The following DLG2 variants were observed in gnomAD, a reference collection of about 807,000 sequenced individuals.
DLG2 encodes disks large homolog 2.
In DLG2, 45 loss-of-function variants were observed where a neutral mutation model predicts 132.5. That is an observed-to-expected ratio of 0.34 (90% CI 0.27 to 0.44). The LOEUF is 0.44. Ranked by LOEUF, DLG2 falls within the 20% of genes least tolerant of loss-of-function variation. The pLI is 1.00. For missense variants in DLG2, 1,045 were observed against 1,196.9 expected (o/e 0.87, Z 1.87); for synonymous variants, 424 against 419.6 (o/e 1.01, Z -0.13).
chr11:83,943,448 A>G (rs2083109206), intron 14 of DLG2, among the ~76,000 whole-genome samples: 1 of 152,318 alleles, frequency 6.6e-6, no homozygotes, highest in South Asian at 2.1e-4. Flanking sequence ...TTTTATTTCT[A>G]TGTAGTGCCT....
At chr11:83,475,915 G>A (rs1161661244) in intron 22 of DLG2, among the ~76,000 whole-genome samples, 1 of 152,088 alleles carries the variant, frequency 6.6e-6, no homozygotes, top group Non-Finnish European at 1.5e-5. Flanking sequence ...CTGAAAGTGG[G>A]AGAGCAGCAC....
chr11:84,732,795 C>T (rs1301309456), intron 6 of DLG2, among the ~76,000 whole-genome samples: 1 of 149,152 alleles, frequency 6.7e-6, no homozygotes, highest in Non-Finnish European at 1.5e-5. Context: ...CCTCCCCCCA[C>T]CCACCCCACA....
In DLG2 at chr11:84,114,775, C is replaced by T. The variant is rs560057974; in HGVS notation, c.625-15728G>A. 4.4e-4 allele frequency among the ~76,000 whole-genome samples: 66 copies of T among 151,300 alleles called. 1 individual carries two copies. The South Asian group carries it at 5.0e-3, about 11-fold the overall frequency. ...TCTCTGCTCACTACAACTTCTTTCA[C>T]GTCAGCTTCCCAAGTAGCTGGGAAT... On this transcript the variant is annotated intron_variant, in intron 9 of 27. Coordinates refer to ENST00000376104, the MANE Select transcript of DLG2 (RefSeq NM_001142699.3).
At chr11:84,457,148 G>T (rs1490230648) in intron 7 of DLG2, among the ~76,000 whole-genome samples, 1 of 151,066 alleles carries the variant, frequency 6.6e-6, no homozygotes, top group African/African-American at 2.4e-5. Context: ...TTCTAATCTT[G>T]TTGAGAACAG....
intron 3 of DLG2, among the ~76,000 whole-genome samples, chr11:85,373,937 G>A (rs192153795): frequency 3.9e-5 from 6 of 152,248 alleles, no homozygotes; most frequent in African/African-American, 9.6e-5. Context: ...GATCAGTGGA[G>A]GATATTATGA....
chr11:85,013,024 T>C (rs1038737138), intron 6 of DLG2, among the ~76,000 whole-genome samples: 77 of 152,304 alleles, frequency 5.1e-4, no homozygotes, highest in African/African-American at 1.4e-3. Context: ...TCATTTTCAG[T>C]GTGGAAAAAT....
At chr11:85,482,779 C>A (rs1381514392) in intron 3 of DLG2, among the ~76,000 whole-genome samples, 1 of 152,072 alleles carries the variant, frequency 6.6e-6, no homozygotes, top group East Asian at 1.9e-4. Flanking sequence ...TCCCAGTGGC[C>A]CAGACTCTAG....
chr11:85,142,506 T>A (rs944335848), intron 5 of DLG2, among the ~76,000 whole-genome samples: 1 of 151,788 alleles, frequency 6.6e-6, no homozygotes, highest in African/African-American at 2.4e-5. Flanking sequence ...ATATCAGCTA[T>A]GAACAAGAAT....
At chr11:85,474,276 T>C (rs1227438898) in intron 3 of DLG2, among the ~76,000 whole-genome samples, 1 of 152,010 alleles carries the variant, frequency 6.6e-6, no homozygotes, top group African/African-American at 2.4e-5. Context: ...TGTATTTACT[T>C]CACAACATAG....
At chr11:85,009,401 T>C (rs2058962048) in intron 6 of DLG2, among the ~76,000 whole-genome samples, 1 of 152,122 alleles carries the variant, frequency 6.6e-6, no homozygotes, top group South Asian at 2.1e-4. Flanking sequence ...CAATGGTTTC[T>C]AGAACCTTTG....
At chr11:84,112,601 T>C (rs2093423442) in intron 9 of DLG2, among the ~76,000 whole-genome samples, 1 of 152,176 alleles carries the variant, frequency 6.6e-6, no homozygotes, top group Non-Finnish European at 1.5e-5. Context: ...TAGTATTTCT[T>C]GGCAATACTG....
At chr11:85,402,852 G>A (rs952847931) in intron 3 of DLG2, among the ~76,000 whole-genome samples, 11 of 152,160 alleles carry the variant, frequency 7.2e-5, no homozygotes, top group Non-Finnish European at 1.2e-4. Context: ...AGAGATGCTG[G>A]AGAGGATGTG....
intron 4 of DLG2, among the ~76,000 whole-genome samples, chr11:85,229,074 A>G (rs1031326117): frequency 6.6e-6 from 1 of 151,820 alleles, no homozygotes; most frequent in Non-Finnish European, 1.5e-5. Context: ...ATACCACTTC[A>G]CATACATCAC....
intron 6 of DLG2, among the ~76,000 whole-genome samples, chr11:84,912,211 G>A (rs746422874): frequency 6.6e-6 from 1 of 152,108 alleles, no homozygotes; most frequent in Admixed American, 6.5e-5. Flanking sequence ...GCACAGCGGC[G>A]CGATCTCGAT....
chr11:83,478,578 T>G (rs1319670943), intron 22 of DLG2, among the ~76,000 whole-genome samples: 1 of 152,188 alleles, frequency 6.6e-6, no homozygotes. Context: ...AACTTAATAA[T>G]TCTGGGAAAA....
At chr11:83,861,883 T>G (rs1017837715) in intron 16 of DLG2, among the ~76,000 whole-genome samples, 1 of 152,204 alleles carries the variant, frequency 6.6e-6, no homozygotes, top group Non-Finnish European at 1.5e-5. Flanking sequence ...ATAATTGCAT[T>G]GTTTGTAACT....
At chr11:85,488,772 G>A (rs911302137) in intron 3 of DLG2, among the ~76,000 whole-genome samples, 1 of 152,144 alleles carries the variant, frequency 6.6e-6, no homozygotes, top group Non-Finnish European at 1.5e-5. Flanking sequence ...GTTCATAAAT[G>A]AAGGAGAAAT....
Position 83,621,128 on chromosome 11 carries a change from G to T in DLG2, c.1940+12083C>A, listed in dbSNP as rs557391448. Among the ~76,000 whole-genome samples, 3 of 152,186 alleles carry T rather than the reference G, an allele frequency of 2.0e-5. No homozygotes were observed. In the East Asian group the frequency reaches 5.8e-4, roughly 29 times the overall value. On this transcript the variant is annotated intron_variant, in intron 19 of 27. Transcript: ENST00000376104. ...CATAAGTTTCTTCTGGCATTAAAAT[G>T]CCCTCTCTTCTAGAAAATGATGGCA...
chr11:83,819,826 C>T (rs1370198866), intron 17 of DLG2, among the ~76,000 whole-genome samples: 1 of 152,102 alleles, frequency 6.6e-6, no homozygotes, highest in Non-Finnish European at 1.5e-5. Flanking sequence ...ATAGGTCAGT[C>T]CAACGTTGAA....
Sources: gnomAD v4.1 joint callset for allele counts (sites outside exome capture counted in the v4.1 genomes callset) on GRCh38, gnomAD v4.1.1 for gene constraint, MANE v1.5 for transcripts, NCBI Gene and HGNC (gene_info 2026-07-23, HGNC 2026-07-21) for gene names.